The following BTG4 variants were observed in gnomAD, a reference collection of about 807,000 sequenced individuals.
BTG4 encodes BTG anti-proliferation factor 4, also known as protein BTG4.
Under a neutral mutation model 19.3 loss-of-function variants are expected in BTG4, and 10 were observed. The ratio of observed to expected loss-of-function variants is 0.52; its 90% CI spans 0.32 to 0.88. The LOEUF (loss-of-function observed/expected upper bound fraction) is 0.88. BTG4 is among the 40% of genes least tolerant of loss of function. The pLI is 0.04. For missense variants in BTG4, 238 were observed against 281.9 expected (o/e 0.84, Z 1.11); for synonymous variants, 91 against 95.7 (o/e 0.95, Z 0.29).
At chr11:111,502,481 A>T (rs1244888518) in intron 1 of BTG4, among the ~76,000 whole-genome samples, 2 of 152,190 alleles carry the variant, frequency 1.3e-5, no homozygotes, top group Non-Finnish European at 2.9e-5. Context: ...TGCATCATTT[A>T]TTCTCGTATT....
intron 1 of BTG4, chr11:111,507,802 A>G (rs547089372): frequency 6.6e-6 from 1 of 152,230 alleles, no homozygotes; most frequent in African/African-American, 2.4e-5. Context: ...TCTATTTTCT[A>G]TTCGAGATTA....
At chr11:111,469,006 G>A (rs2135520713) in intron 5 of BTG4, among the ~76,000 whole-genome samples, 1 of 152,348 alleles carries the variant, frequency 6.6e-6, no homozygotes, top group Admixed American at 6.5e-5. Flanking sequence ...AGACAGTGGA[G>A]CAAATGACTT....
the BTG4 span, among the ~76,000 whole-genome samples, chr11:111,442,451 A>G: frequency 3.8e-3 from 580 of 152,030 alleles, 4 homozygotes; most frequent in African/African-American, 0.013. Flanking sequence ...CAGTGAGCCA[A>G]GATCGAGTCA....
At chr11:111,434,631 G>A in the BTG4 span, among the ~76,000 whole-genome samples, 1 of 150,946 alleles carries the variant, frequency 6.6e-6, no homozygotes, top group African/African-American at 2.4e-5. Context: ...ATAAATAAGT[G>A]AGATAATACA....
chr11:111,461,111 G>A, the BTG4 span, among the ~76,000 whole-genome samples: 83 of 151,984 alleles, frequency 5.5e-4, no homozygotes, highest in South Asian at 7.3e-3. Flanking sequence ...AGGTTATTGC[G>A]GTAATTCAGC....
At chr11:111,509,782 A>T (rs1866729922) in intron 1 of BTG4, among the ~76,000 whole-genome samples, 1 of 152,010 alleles carries the variant, frequency 6.6e-6, no homozygotes, top group Admixed American at 6.5e-5. Context: ...TAATTAGTCT[A>T]ATTCTTCATT....
At chr11:111,407,409 G>A in the BTG4 span, among the ~76,000 whole-genome samples, 1 of 152,134 alleles carries the variant, frequency 6.6e-6, no homozygotes, top group African/African-American at 2.4e-5. Context: ...GGTGGTTCCC[G>A]CCTATAATCC....
chr11:111,450,830 G>T, the BTG4 span: 1 of 153,568 alleles, frequency 6.5e-6, no homozygotes, highest in African/African-American at 2.4e-5. Context: ...GATCCCAGGT[G>T]TCCAGACCAG....
chr11:111,434,419 G>A, the BTG4 span, among the ~76,000 whole-genome samples: 1 of 152,266 alleles, frequency 6.6e-6, no homozygotes, highest in East Asian at 1.9e-4. Flanking sequence ...CTCGGGGAGG[G>A]ATAGCGTTGG....
intron 5 of BTG4, among the ~76,000 whole-genome samples, chr11:111,468,194 C>G (rs977321677): frequency 3.3e-5 from 5 of 152,138 alleles, no homozygotes; most frequent in African/African-American, 1.2e-4. Context: ...CCAGAAACTA[C>G]TCACATATGG....
At chr11:111,460,479 A>T in the BTG4 span, 2 of 152,376 alleles carry the variant, frequency 1.3e-5, no homozygotes, top group Non-Finnish European at 2.9e-5. Context: ...ATACAAGGAC[A>T]ACTAGATAGG....
rs182196959 is a variant in BTG4, at chr11:111,509,268, A to G, written c.-27+2913T>C. Among the ~76,000 whole-genome samples the G allele has an allele frequency of 3.3e-5, 5 of 152,334 alleles. No individual in the cohort carries two copies. In the East Asian group the frequency reaches 7.7e-4, roughly 23 times the overall value. On this transcript the variant is annotated intron_variant, in intron 1 of 4. Coordinates refer to ENST00000692032, the MANE Select transcript of BTG4 (RefSeq NM_001367975.1). ...CTTCAAAGGCACTGAATTGACTTCA[A>G]TTTAGTCTTGCTTCAACATATAAAC...
intron 5 of BTG4, among the ~76,000 whole-genome samples, chr11:111,477,345 C>T (rs1426617607): frequency 6.6e-6 from 1 of 151,602 alleles, no homozygotes; most frequent in Non-Finnish European, 1.5e-5. Flanking sequence ...AGCTTGTGTA[C>T]ACACACACAC....
Position 111,498,788 on chromosome 11 carries a change from A to G in BTG4, c.-12T>C. ...ATTTCATCTCTCATGATTCAAGAAAAATAGATAAGGAGGTCTGAATCATTA... is the reference window on the plus strand; with the variant it reads ...ATTTCATCTCTCATGATTCAAGAAAGATAGATAAGGAGGTCTGAATCATTA... On this transcript the variant is annotated 5_prime_UTR_variant, in exon 2 of 5. Coordinates refer to ENST00000692032, the MANE Select transcript of BTG4 (RefSeq NM_001367975.1). 6.3e-7 allele frequency: 1 copy of G among 1,598,504 alleles called. No individual in the cohort carries two copies. The highest frequency in any genetic ancestry group is 1.3e-5 in the African/African-American group (1 of 74,218).
chr11:111,453,666 A>G, the BTG4 span: 1 of 375,580 alleles, frequency 2.7e-6, no homozygotes, highest in Non-Finnish European at 5.3e-6. Flanking sequence ...ATCTTCCAAG[A>G]TTGCTCAATT....
At chr11:111,399,102 A>C in the BTG4 span, 1 of 152,080 alleles carries the variant, frequency 6.6e-6, no homozygotes. Flanking sequence ...CCTCACCTTT[A>C]CTCACGTCAC....
downstream of BTG4, among the ~76,000 whole-genome samples, chr11:111,462,593 A>C (rs1187474843): frequency 6.6e-6 from 1 of 152,002 alleles, no homozygotes; most frequent in East Asian, 1.9e-4. Context: ...GGTTCCCCTG[A>C]CTCCGATAAT....
the BTG4 span, among the ~76,000 whole-genome samples, chr11:111,407,976 G>A: frequency 6.6e-6 from 1 of 152,222 alleles, no homozygotes; most frequent in Non-Finnish European, 1.5e-5. Flanking sequence ...GGATGGAGAG[G>A]GCACAGAGGC....
the BTG4 span, among the ~76,000 whole-genome samples, chr11:111,391,888 A>C: frequency 0.076 from 11,525 of 152,120 alleles, 651 homozygotes; most frequent in Middle Eastern, 0.16. Flanking sequence ...TACGGTTGAA[A>C]CTGGAGTGGT....
Sources: allele counts gnomAD v4.1 joint callset (sites outside exome capture counted in the v4.1 genomes callset), GRCh38; gene constraint gnomAD v4.1.1; transcripts MANE v1.5; gene names NCBI Gene and HGNC (gene_info 2026-07-23, HGNC 2026-07-21).